STK32B: variants seen among roughly 807,000 people sequenced by gnomAD.
STK32B encodes serine/threonine-protein kinase 32B.
Under a neutral mutation model 52.6 loss-of-function variants are expected in STK32B, and 43 were observed. The ratio of observed to expected loss-of-function variants is 0.82; its 90% CI spans 0.64 to 1.05. The LOEUF (loss-of-function observed/expected upper bound fraction) is 1.05. Ranked by LOEUF, STK32B falls within the 50% of genes least tolerant of loss-of-function variation. The probability of loss-of-function intolerance (pLI) is 0.00; values close to 1 mark genes in which losing one functional copy is unlikely to be tolerated. For synonymous variants in STK32B, 238 were observed against 204.3 expected, an observed-to-expected ratio of 1.17 and a Z score of -1.41; for missense variants, 621 against 534.6, an observed-to-expected ratio of 1.16 and a Z score of -1.59.
intron 3 of STK32B, among the ~76,000 whole-genome samples, chr4:5,309,211 A>G (rs1730127434): frequency 6.6e-6 from 1 of 152,152 alleles, no homozygotes; most frequent in Admixed American, 6.6e-5. Flanking sequence ...TACAAGGAAA[A>G]CTATAAAACA....
At chr4:5,315,682 CTT>C (rs199584251) in intron 3 of STK32B, among the ~76,000 whole-genome samples, 7 of 120,452 alleles carry the variant, frequency 5.8e-5, no homozygotes, top group Admixed American at 8.2e-5. Flanking sequence ...TTTTCTTTTT[CTT>C]TTTTTTTTTT....
intron 11 of STK32B, among the ~76,000 whole-genome samples, chr4:5,480,815 C>T (rs1243005354): frequency 6.6e-6 from 1 of 151,462 alleles, no homozygotes; most frequent in South Asian, 2.1e-4. Flanking sequence ...TCCCACCTAT[C>T]AGTGATAACA....
At chr4:5,180,769 C>G (rs1720289850) in intron 3 of STK32B, among the ~76,000 whole-genome samples, 7 of 152,158 alleles carry the variant, frequency 4.6e-5, no homozygotes, top group Admixed American at 4.6e-4. Context: ...TTCTTTTTTG[C>G]TGACGTGCTC....
At chr4:5,299,480 A>G (rs1729417164) in intron 3 of STK32B, among the ~76,000 whole-genome samples, 1 of 152,142 alleles carries the variant, frequency 6.6e-6, no homozygotes, top group African/African-American at 2.4e-5. Context: ...ATTCTTCTGC[A>G]TATGATTACC....
intron 3 of STK32B, among the ~76,000 whole-genome samples, chr4:5,237,359 A>T (rs1724704811): frequency 6.6e-6 from 1 of 152,130 alleles, no homozygotes; most frequent in Admixed American, 6.5e-5. Flanking sequence ...GGATGCGAAA[A>T]TGCTCAGTGA....
rs569375937 is a variant in STK32B at position 5,457,450 on chromosome 4, T to C, written c.783+527T>C. ...CAGGATGGTCTCAATCTCCTGACCT[T>C]GTGATCCGCCAGCCTCGGCCTCCCA... On this transcript the variant is annotated intron_variant, in intron 8 of 11. Coordinates refer to ENST00000282908, the MANE Select transcript of STK32B (RefSeq NM_018401.3). Among the ~76,000 whole-genome samples the C allele has an allele frequency of 8.1e-3, 1,233 of 151,302 alleles. 26 individuals are homozygous for C. Among genetic ancestry groups the C allele is most frequent in the African/African-American group, 0.028 (1,156 of 41,398 alleles).
At chr4:5,457,301 C>T (rs1001172329) in intron 8 of STK32B, among the ~76,000 whole-genome samples, 2 of 150,426 alleles carry the variant, frequency 1.3e-5, no homozygotes, top group African/African-American at 2.4e-5. Flanking sequence ...CTGCAAGCTC[C>T]GCCTCCCGGG....
At chr4:5,239,184 A>G (rs868102785) in intron 3 of STK32B, among the ~76,000 whole-genome samples, 1 of 152,208 alleles carries the variant, frequency 6.6e-6, no homozygotes, top group Non-Finnish European at 1.5e-5. Context: ...CAGGAGACAG[A>G]GAGAGGTGAG....
intron 1 of STK32B, among the ~76,000 whole-genome samples, chr4:5,123,630 C>T (rs1170332372): frequency 6.6e-6 from 1 of 152,116 alleles, no homozygotes; most frequent in Non-Finnish European, 1.5e-5. Context: ...CTGTGTCCTC[C>T]ACGTGGCCAC....
intron 3 of STK32B, among the ~76,000 whole-genome samples, chr4:5,311,752 A>C (rs991684408): frequency 3.3e-5 from 5 of 152,144 alleles, no homozygotes; most frequent in Non-Finnish European, 7.4e-5. Context: ...GAACACTCCT[A>C]TATCTGTTAA....
intron 3 of STK32B, among the ~76,000 whole-genome samples, chr4:5,201,683 C>T (rs551071904): frequency 2.0e-5 from 3 of 152,146 alleles, no homozygotes; most frequent in Non-Finnish European, 4.4e-5. Context: ...AGGAAACTTA[C>T]AATCGTGGCA....
At chr4:5,195,450 T>G (rs975328207) in intron 3 of STK32B, among the ~76,000 whole-genome samples, 1 of 152,110 alleles carries the variant, frequency 6.6e-6, no homozygotes, top group East Asian at 1.9e-4. Flanking sequence ...CCCAGCACTT[T>G]GGGAGGCCAA....
chr4:5,445,571 A>G (rs1180148793), intron 6 of STK32B, among the ~76,000 whole-genome samples: 1 of 152,106 alleles, frequency 6.6e-6, no homozygotes, highest in East Asian at 1.9e-4. Flanking sequence ...GATCAGAGAC[A>G]AGGACCCCAG....
intron 6 of STK32B, 31 bp from the exon 7 acceptor site, chr4:5,446,642 A>G: frequency 6.2e-7 from 1 of 1,602,748 alleles, no homozygotes; most frequent in African/African-American, 1.3e-5. Flanking sequence ...TGGGATACAC[A>G]ATGATGTTCT....
intron 1 of STK32B, among the ~76,000 whole-genome samples, chr4:5,099,286 C>G (rs1713568876): frequency 6.6e-6 from 1 of 152,176 alleles, no homozygotes; most frequent in African/African-American, 2.4e-5. Flanking sequence ...TCAATTCCAT[C>G]TGCAACCTAA....
chr4:5,255,054 C>T (rs1239928006), intron 3 of STK32B, among the ~76,000 whole-genome samples: 5 of 151,736 alleles, frequency 3.3e-5, no homozygotes, highest in African/African-American at 1.2e-4. Flanking sequence ...TCAGACATCA[C>T]CCCAGACCTC....
chr4:5,384,637 C>T (rs997775309), intron 4 of STK32B, among the ~76,000 whole-genome samples: 8 of 152,218 alleles, frequency 5.3e-5, no homozygotes, highest in African/African-American at 1.7e-4. Context: ...CTTTGGGTTC[C>T]GCCAGGTGAA....
At position 5,329,691 on chromosome 4, in the gene STK32B, A is replaced by G. The variant is rs374004643; in HGVS notation, c.261-1529A>G. Among the ~76,000 whole-genome samples the G allele has an allele frequency of 2.5e-3, 378 of 152,344 alleles. 2 individuals carry two copies. Among genetic ancestry groups the G allele is most frequent in the African/African-American group, 8.8e-3 (368 of 41,582 alleles). ...GTCCCCAGCACGTAGCCCAATGCCT[A>G]TCAGACAGTAGGTGTTCCATAAGCC... On this transcript the variant is annotated intron_variant, in intron 3 of 11. Coordinates refer to ENST00000282908, the MANE Select transcript of STK32B (RefSeq NM_018401.3).
rs757494842 is a variant in STK32B at position 5,460,768 on chromosome 4, G to A, written c.909+540G>A. ...CGACAAGATCACACTCTTGAAGGCA[G>A]CAGAAAGCCTGGGTTTCAAAGAACA... On this transcript the variant is annotated intron_variant, in intron 9 of 11. Transcript: ENST00000282908. This position sits in a 1 kb window ranked among gnomAD's most constrained non-coding sequence, Gnocchi z 4.8. Among the ~76,000 whole-genome samples, 11 of 152,186 alleles carry A rather than the reference G, an allele frequency of 7.2e-5. No individual in the cohort carries two copies. Among genetic ancestry groups the A allele is most frequent in the Non-Finnish European group, 1.5e-4 (10 of 68,038 alleles).
Sources: allele counts gnomAD v4.1 joint callset (sites outside exome capture counted in the v4.1 genomes callset), GRCh38; gene constraint gnomAD v4.1.1; non-coding constraint Gnocchi (gnomAD v3.1); transcripts MANE v1.5; gene names NCBI Gene and HGNC (gene_info 2026-07-23, HGNC 2026-07-21).